Variants in ZNF517 observed in about 807,000 individuals in gnomAD.
ZNF517 encodes the protein zinc finger protein 517.
A neutral mutation model predicts 12.1 loss-of-function variants in ZNF517; 12 were observed. The observed-to-expected ratio is 0.99, with a 90% CI of 0.63 to 1.61. The LOEUF is 1.61. Ranked by LOEUF, ZNF517 falls within the 40% of genes most tolerant of loss-of-function variation. The pLI, the probability that ZNF517 is intolerant of heterozygous loss-of-function variation, is 0.00. For synonymous variants in ZNF517, 388 were observed against 310.2 expected, an observed-to-expected ratio of 1.25 and a Z score of -2.63; for missense variants, 781 against 693.2, an observed-to-expected ratio of 1.13 and a Z score of -1.42.
downstream of ZNF517, among the ~76,000 whole-genome samples, chr8:144,813,230 C>T (rs1417641429): frequency 2.0e-5 from 3 of 149,428 alleles, no homozygotes; most frequent in African/African-American, 7.4e-5. Context: ...GCAGGAGAAT[C>T]GCTTGAACCT....
chr8:144,805,179 G>A (rs1180192569), intron 4 of ZNF517, among the ~76,000 whole-genome samples: 3 of 152,234 alleles, frequency 2.0e-5, no homozygotes, highest in Non-Finnish European at 4.4e-5. Flanking sequence ...AGGCACTGGC[G>A]TTACCGCTAG....
Position 144,807,787 on chromosome 8 carries a change from T to C in ZNF517, c.871T>C (p.Cys291Arg), listed in dbSNP as rs753252961. ...KFHTGEKPFA[C>R]TECGKAFCRR... The stretch of plus-strand genomic sequence containing the variant: ...CCACACCGGGGAGAAGCCCTTCGCG[T>C]GCACAGAGTGCGGCAAGGCGTTCTG... Residue 291 changes from cysteine to arginine, a missense_variant, in exon 5 of 5, where the codon TGC becomes CGC. Coordinates refer to ENST00000359971, the MANE Select transcript of ZNF517 (RefSeq NM_213605.3). The C allele has an allele frequency of 2.5e-6, 4 of 1,611,692 alleles. No individual in the cohort carries two copies. Among genetic ancestry groups the C allele is most frequent in the Non-Finnish European group, 3.4e-6 (4 of 1,179,426 alleles).
rs775847712 is a variant in ZNF517 at position 144,804,148 on chromosome 8, C to T, written c.184C>T (p.Leu62=). The T allele has an allele frequency of 4.3e-6, 7 of 1,614,052 alleles. No homozygotes were observed. Among genetic ancestry groups the T allele is most frequent in the Non-Finnish European group, 5.9e-6 (7 of 1,180,002 alleles). ...SLGFLVAKPA[L]ISLLEQGEEP... ...AGGCTTTCTTGTTGCCAAACCAGCA[C>T]TGATCTCCCTATTGGAGCAAGGAGA... The change falls in exon 4 of 5, where the codon CTG becomes TTG. Residue 62 remains leucine, a synonymous_variant. Coordinates refer to ENST00000359971, the MANE Select transcript of ZNF517 (RefSeq NM_213605.3).
chr8:144,810,096 G>A (rs1267001355), downstream of ZNF517: 1 of 591,100 alleles, frequency 1.7e-6, no homozygotes, highest in Admixed American at 2.7e-5. Context: ...TATTGGTTTT[G>A]TCTCTCTAGA....
chr8:144,803,161 G>A (rs1355944888), intron 2 of ZNF517: 16 of 604,534 alleles, frequency 2.6e-5, no homozygotes, highest in Admixed American at 1.2e-4. Flanking sequence ...GGCTTCCTGC[G>A]GCCTCCTCTG....
At chr8:144,799,930 ACT>A (rs768352838) in intron 1 of ZNF517, among the ~76,000 whole-genome samples, 12 of 152,072 alleles carry the variant, frequency 7.9e-5, no homozygotes, top group Non-Finnish European at 1.3e-4. Context: ...ACAGAGGGAG[ACT>A]CTGTCGCAAA....
At chr8:144,810,390 C>T (rs990631165), downstream of ZNF517, 35 of 435,494 alleles carry the variant, frequency 8.0e-5, no homozygotes, top group Admixed American at 1.5e-4. Context: ...CAGTCTGTGC[C>T]AGGGGCTGCA....
chr8:144,808,150 A>G lies in ZNF517; in HGVS notation c.1234A>G (p.Thr412Ala), dbSNP rs774096297. The G allele has an allele frequency of 3.1e-5, 49 of 1,574,582 alleles. No homozygotes were observed. Among genetic ancestry groups the G allele is most frequent in the Non-Finnish European group, 4.2e-5 (49 of 1,159,218 alleles). Residue 412 changes from threonine (T) to alanine (A), a missense_variant, in exon 5 of 5, where the codon ACT becomes GCT. By Grantham distance (58) the Thr-to-Ala change is moderately conservative. Transcript: ENST00000359971. ...GGCCTTCGGTCGCAAGTCCAACCTC[A>G]CTCTGCACCAGAAGATCCACACCAA... is the stretch of plus-strand genomic sequence containing the variant. ...GKAFGRKSNL[T>A]LHQKIHTKEK...
At position 144,808,186 on chromosome 8, in the gene ZNF517, T is replaced by C. The variant is rs746352749; in HGVS notation, c.1270T>C (p.Phe424Leu). Reference sequence around the variant, plus strand: ...GAAGATCCACACCAAGGAGAAGCCCTTCGCGTGCACCGAGTGCGGCAAGGC... The same window carrying C: ...GAAGATCCACACCAAGGAGAAGCCCCTCGCGTGCACCGAGTGCGGCAAGGC... ...HQKIHTKEKP[F>L]ACTECGKAFR... The change falls in exon 5 of 5, where the codon TTC (phenylalanine) becomes CTC (leucine). Residue 424 changes from phenylalanine (F) to leucine (L), a missense_variant. By Grantham distance (22) the Phe-to-Leu change is conservative. Transcript: ENST00000359971. The C allele has an allele frequency of 5.0e-6, 8 of 1,609,726 alleles. No individual in the cohort carries two copies. In the African/African-American group the frequency reaches 8.0e-5, roughly 16 times the overall value.
intron 1 of ZNF517, chr8:144,800,341 C>A (rs536594893): frequency 1.1e-5 from 3 of 264,442 alleles, no homozygotes; most frequent in Non-Finnish European, 1.8e-5. Context: ...GAAGATAGAA[C>A]TAAAAGCAGG....
In ZNF517 at chr8:144,807,531, C is replaced by G. The variant is rs1241250548; in HGVS notation, c.615C>G (p.Phe205Leu). Residue 205 changes from phenylalanine (F) to leucine (L), a missense_variant, in exon 5 of 5, where the codon TTC (phenylalanine) becomes TTG (leucine). Coordinates refer to ENST00000359971, the MANE Select transcript of ZNF517 (RefSeq NM_213605.3). ...TCATCCACACCGGCGCCAAGCCCTT[C>G]CAGTGCACAGAGTGCGGGAAGGCCT... ...HQIIHTGAKP[F>L]QCTECGKAFK... 3.1e-6 allele frequency: 5 copies of G among 1,596,378 alleles called. No homozygotes were observed. The highest frequency in any genetic ancestry group is 1.7e-5 in the Admixed American group (1 of 57,466).
At chr8:144,811,809 C>G (rs540872922), downstream of ZNF517, among the ~76,000 whole-genome samples, 2 of 128,032 alleles carry the variant, frequency 1.6e-5, no homozygotes, top group African/African-American at 3.2e-5. Flanking sequence ...GTGGGAGAGA[C>G]ACGGACAGTA....
chr8:144,807,128 C>A, intron 4 of ZNF517, 63 bp from the exon 5 acceptor site: 1 of 1,500,180 alleles, frequency 6.7e-7, no homozygotes, highest in Non-Finnish European at 8.9e-7. Context: ...TGTCTTCAAA[C>A]AAGAAGTTCG....
At chr8:144,811,752 G>A (rs1256399944), downstream of ZNF517, among the ~76,000 whole-genome samples, 8 of 118,240 alleles carry the variant, frequency 6.8e-5, no homozygotes, top group African/African-American at 2.4e-4. Context: ...CGGACAGTAC[G>A]CTCAGCCAGG....
At chr8:144,811,659 A>G (rs1193132238), downstream of ZNF517, among the ~76,000 whole-genome samples, 516 of 74,880 alleles carry the variant, frequency 6.9e-3, no homozygotes, top group Middle Eastern at 0.022. Context: ...GCTGAGACAG[A>G]GTGGGAGAGA....
chr8:144,804,255 C>T lies in ZNF517; in HGVS notation c.274+17C>T, dbSNP rs1160211129. 1 of 1,603,646 alleles carries T rather than the reference C, an allele frequency of 6.2e-7. No individual in the cohort carries two copies. Among genetic ancestry groups the T allele is most frequent in the Non-Finnish European group, 8.5e-7 (1 of 1,173,132 alleles). On this transcript the variant is annotated intron_variant, in intron 4 of 4. Coordinates refer to ENST00000359971, the MANE Select transcript of ZNF517 (RefSeq NM_213605.3). ...TGTGCACAGGTGAGTACAAAGCACC[C>T]ACAGGGCGTGTCCTGTGCTGCCAAT... is the stretch of plus-strand genomic sequence containing the variant.
At chr8:144,801,868 TA>T (rs1826979117) in intron 1 of ZNF517, among the ~76,000 whole-genome samples, 1 of 151,958 alleles carries the variant, frequency 6.6e-6, no homozygotes, top group South Asian at 2.1e-4. Flanking sequence ...TCATCAATAA[TA>T]AAAACTTTTA....
In ZNF517 at chr8:144,808,297, T is replaced by A; in HGVS notation, c.1381T>A (p.Cys461Ser). The A allele has an allele frequency of 1.9e-6, 3 of 1,541,088 alleles. No homozygotes were observed. Among genetic ancestry groups the A allele is most frequent in the Non-Finnish European group, 2.6e-6 (3 of 1,141,232 alleles). Reference protein sequence around the residue: ...PYRCRACGRACSRLSTLIQHQ... With the variant: ...PYRCRACGRASSRLSTLIQHQ... ...CCGGTGCCGCGCCTGCGGGAGGGCC[T>A]GCAGCCGGCTGTCCACCCTCATCCA... The change falls in exon 5 of 5, where the codon TGC becomes AGC. Residue 461 changes from cysteine to serine, a missense_variant. Cys to Ser is a moderately radical substitution (Grantham distance 112). Coordinates refer to ENST00000359971, the MANE Select transcript of ZNF517 (RefSeq NM_213605.3).
intron 1 of ZNF517, among the ~76,000 whole-genome samples, chr8:144,801,494 A>C (rs1826957740): frequency 6.6e-6 from 1 of 151,458 alleles, no homozygotes; most frequent in Non-Finnish European, 1.5e-5. Flanking sequence ...AACAAGAGCG[A>C]GTTGTCGGAG....
Sources: allele counts gnomAD v4.1 joint callset (sites outside exome capture counted in the v4.1 genomes callset), GRCh38; gene constraint gnomAD v4.1.1; transcripts MANE v1.5; gene names NCBI Gene and HGNC (gene_info 2026-07-23, HGNC 2026-07-21).